PDGFC: variants seen among roughly 807,000 people sequenced by gnomAD.
The protein encoded by PDGFC is platelet derived growth factor C, also known as platelet-derived growth factor C.
A neutral mutation model predicts 35.5 loss-of-function variants in PDGFC; 12 were observed. That is an observed-to-expected ratio of 0.34 (90% CI 0.22 to 0.55). PDGFC has a LOEUF of 0.55. PDGFC is among the 20% of genes least tolerant of loss of function. The pLI is 0.91. For synonymous variants in PDGFC, 159 were observed against 148.8 expected, an observed-to-expected ratio of 1.07 and a Z score of -0.50; for missense variants, 322 against 412.4, an observed-to-expected ratio of 0.78 and a Z score of 1.90.
chr4:156,875,879 T>C (rs1352238671), intron 1 of PDGFC, among the ~76,000 whole-genome samples: 1 of 152,156 alleles, frequency 6.6e-6, no homozygotes, highest in Middle Eastern at 3.4e-3. Context: ...CAAAACCCTG[T>C]TGGGGGGAAA....
intron 1 of PDGFC, among the ~76,000 whole-genome samples, chr4:156,912,778 G>A (rs1331775728): frequency 1.3e-5 from 2 of 150,860 alleles, no homozygotes; most frequent in Admixed American, 1.3e-4. Context: ...TTCTCTACAT[G>A]GCAAGTAGTC....
At chr4:156,824,922 A>G (rs950914791) in intron 2 of PDGFC, among the ~76,000 whole-genome samples, 1 of 152,200 alleles carries the variant, frequency 6.6e-6, no homozygotes, top group Non-Finnish European at 1.5e-5. Flanking sequence ...TCTGTAGAGC[A>G]TATATAGAGT....
At chr4:156,940,490 C>T (rs1036184170) in intron 1 of PDGFC, among the ~76,000 whole-genome samples, 2 of 152,038 alleles carry the variant, frequency 1.3e-5, no homozygotes, top group Admixed American at 6.6e-5. Context: ...CTGGAGACTA[C>T]CTTGCCATGG....
intron 1 of PDGFC, among the ~76,000 whole-genome samples, chr4:156,920,643 AAACAC>A (rs1466538074): frequency 7.0e-5 from 8 of 114,650 alleles, no homozygotes; most frequent in Non-Finnish European, 8.5e-5. Context: ...CAGGAAAAGA[AAACAC>A]ACACACACAC....
Position 156,763,111 on chromosome 4 carries a change from G to A in PDGFC, c.1017C>T (p.Cys339=). The part of the protein sequence containing the change: ...LEHHEECDCV[C]RGSTGG ...GCGGCTATCCTCCTGTGCTCCCTCT[G>A]CACACACAGTCACACTCCTCATGGT... Residue 339 remains cysteine (C), a synonymous_variant, in exon 6 of 6, where the codon TGC becomes TGT. Transcript: ENST00000502773. The A allele has an allele frequency of 1.2e-6, 2 of 1,602,720 alleles. No individual in the cohort carries two copies. Among genetic ancestry groups the A allele is most frequent in the Non-Finnish European group, 1.7e-6 (2 of 1,169,738 alleles).
chr4:156,953,615 G>A (rs142915880), intron 1 of PDGFC, among the ~76,000 whole-genome samples: 106 of 151,780 alleles, frequency 7.0e-4, no homozygotes, highest in Non-Finnish European at 1.1e-3. Flanking sequence ...AAATTTTACC[G>A]GACGATAAAT....
intron 5 of PDGFC, among the ~76,000 whole-genome samples, chr4:156,763,882 C>A (rs1730449754): frequency 6.6e-6 from 1 of 152,110 alleles, no homozygotes; most frequent in South Asian, 2.1e-4. Context: ...ATCTGCAGTT[C>A]AGATTGTCAA....
intron 1 of PDGFC, among the ~76,000 whole-genome samples, chr4:156,948,213 G>T (rs1246612556): frequency 7.1e-6 from 1 of 141,262 alleles, no homozygotes; most frequent in African/African-American, 2.6e-5. Flanking sequence ...GGGATGTACA[G>T]CTAAAAAAAA....
At chr4:156,776,521 A>C (rs1024232531) in intron 3 of PDGFC, among the ~76,000 whole-genome samples, 4 of 152,384 alleles carry the variant, frequency 2.6e-5, no homozygotes, top group Non-Finnish European at 5.9e-5. Flanking sequence ...CCTGCAGGGC[A>C]GTAATGACAA....
chr4:156,832,224 T>C (rs114200683), intron 2 of PDGFC, among the ~76,000 whole-genome samples: 5 of 151,858 alleles, frequency 3.3e-5, no homozygotes, highest in Non-Finnish European at 7.4e-5. Flanking sequence ...ACAGGCCTCA[T>C]TTTATCATGC....
chr4:156,802,489 C>T (rs1296184823), intron 3 of PDGFC, among the ~76,000 whole-genome samples: 4 of 151,690 alleles, frequency 2.6e-5, no homozygotes, highest in South Asian at 2.1e-4. Flanking sequence ...AGTTCAGATT[C>T]GTTCTGTGGA....
intron 4 of PDGFC, among the ~76,000 whole-genome samples, chr4:156,769,915 C>T (rs1170551644): frequency 6.6e-6 from 1 of 152,002 alleles, no homozygotes; most frequent in Non-Finnish European, 1.5e-5. Flanking sequence ...TTGCCAAAGT[C>T]TTCAATGCTT....
At chr4:156,890,141 G>A (rs1015234978) in intron 1 of PDGFC, among the ~76,000 whole-genome samples, 4 of 152,050 alleles carry the variant, frequency 2.6e-5, no homozygotes, top group African/African-American at 9.7e-5. Flanking sequence ...CAAGTGAGGT[G>A]ACTGTATCAT....
intron 4 of PDGFC, chr4:156,770,590 C>A (rs534154382): frequency 6.6e-6 from 1 of 152,038 alleles, no homozygotes; most frequent in South Asian, 2.1e-4. Context: ...TTTCCCTCTG[C>A]CAAATATTTG....
chr4:156,884,988 T>C (rs1341892845), intron 1 of PDGFC, among the ~76,000 whole-genome samples: 1 of 152,228 alleles, frequency 6.6e-6, no homozygotes, highest in African/African-American at 2.4e-5. Flanking sequence ...AATTATTACA[T>C]AGGTAAATTC....
At position 156,843,391 on chromosome 4, in the gene PDGFC, A is replaced by G. The variant is rs575530285; in HGVS notation, c.314+6830T>C. On this transcript the variant is annotated intron_variant, in intron 2 of 5. Coordinates refer to ENST00000502773, the MANE Select transcript of PDGFC (RefSeq NM_016205.3). ...TTTATGGTTTGTTACAGCAGTCCAA[A>G]CAGGATGAGACAGTAACCACCATGC... Among the ~76,000 whole-genome samples the G allele has an allele frequency of 5.3e-5, 8 of 152,328 alleles. No individual in the cohort carries two copies. The East Asian group carries it at 1.5e-3, about 29-fold the overall frequency.
intron 3 of PDGFC, among the ~76,000 whole-genome samples, chr4:156,788,973 T>C (rs1731204837): frequency 6.6e-6 from 1 of 152,182 alleles, no homozygotes; most frequent in South Asian, 2.1e-4. Flanking sequence ...GGTTAGTTTG[T>C]TCTTGGGTTT....
intron 2 of PDGFC, among the ~76,000 whole-genome samples, chr4:156,839,768 C>T (rs191895716): frequency 1.8e-4 from 27 of 152,202 alleles, no homozygotes; most frequent in Admixed American, 1.0e-3. Context: ...ACTTGTTGAA[C>T]GGCTTTGACC....
intron 1 of PDGFC, among the ~76,000 whole-genome samples, chr4:156,951,471 A>T (rs1295657803): frequency 1.3e-5 from 2 of 151,774 alleles, no homozygotes; most frequent in Non-Finnish European, 2.9e-5. Context: ...TTCTTACTGA[A>T]TGGTCTGTTG....
Sources: allele counts gnomAD v4.1 joint callset (sites outside exome capture counted in the v4.1 genomes callset), GRCh38; gene constraint gnomAD v4.1.1; transcripts MANE v1.5; gene names NCBI Gene and HGNC (gene_info 2026-07-23, HGNC 2026-07-21).